AFF2: variants seen among roughly 807,000 people sequenced by gnomAD.
AFF2 encodes the protein ALF transcription elongation factor 2.
Under a neutral mutation model 76.9 loss-of-function variants are expected in AFF2, and 14 were observed. That is an observed-to-expected ratio of 0.18 (90% confidence interval 0.12 to 0.28). The LOEUF (loss-of-function observed/expected upper bound fraction) is 0.28. Ranked by LOEUF, AFF2 falls within the 10% of genes least tolerant of loss-of-function variation. The pLI, the probability that AFF2 is intolerant of heterozygous loss-of-function variation, is 1.00. For missense variants in AFF2, 868 were observed against 1,001.1 expected (o/e 0.87, Z 1.79); for synonymous variants, 398 against 366.7 (o/e 1.09, Z -0.98).
intron 3 of AFF2, among the ~76,000 whole-genome samples, chrX:148,804,568 A>C (rs1243239749): frequency 1.8e-5 from 2 of 112,417 alleles, no homozygotes; most frequent in African/African-American, 6.5e-5. Context: ...ACCTTGTTTT[A>C]CATGAAGTAT....
At chrX:148,973,706 T>C (rs1276519576) in intron 16 of AFF2, 99 bp downstream of exon 16, 1 of 904,475 alleles carries the variant, frequency 1.1e-6, no homozygotes, top group African/African-American at 2.0e-5. Context: ...TAATAATTTG[T>C]CCAAGCCATC....
intron 4 of AFF2, among the ~76,000 whole-genome samples, chrX:148,830,654 T>C (rs1250157478): frequency 7.3e-5 from 8 of 108,884 alleles, no homozygotes; most frequent in Admixed American, 6.9e-4. Context: ...GAGGAGGGAG[T>C]GTACAAATAG....
Position 148,875,188 on chromosome X carries a change from A to G in AFF2, c.1263-10701A>G, listed in dbSNP as rs1253516790. Among the ~76,000 whole-genome samples, 3 of 112,141 alleles carry G rather than the reference A, an allele frequency of 2.7e-5. No homozygotes were observed. In the East Asian group the frequency reaches 8.4e-4, roughly 31 times the overall value. On this transcript the variant is annotated intron_variant, in intron 7 of 20. Transcript: ENST00000370460. ...TTACTTAGGGAAAATATATGCCCAG[A>G]CATTGTGGAGCCCCTTCTAAAACAA...
intron 9 of AFF2, among the ~76,000 whole-genome samples, chrX:148,917,194 G>T (rs1260006603): frequency 8.9e-6 from 1 of 111,965 alleles, no homozygotes; most frequent in Non-Finnish European, 1.9e-5. Context: ...GCTAGAATTT[G>T]ACCCTCCAAG....
chrX:148,904,302 A>T (rs376847932), intron 9 of AFF2, 44 bp downstream of exon 9: 2 of 774,244 alleles, frequency 2.6e-6, no homozygotes, highest in Middle Eastern at 3.1e-4. Context: ...ATTTTAACGG[A>T]CTCGATGCAT....
At chrX:148,709,603 A>G (rs1186556938) in intron 3 of AFF2, among the ~76,000 whole-genome samples, 2 of 112,230 alleles carry the variant, frequency 1.8e-5, no homozygotes, top group Admixed American at 9.5e-5. Flanking sequence ...TACGGTGTAA[A>G]GTACATAGTA....
At chrX:148,664,590 A>G (rs1292985920) in intron 3 of AFF2, among the ~76,000 whole-genome samples, 1 of 111,769 alleles carries the variant, frequency 8.9e-6, no homozygotes, top group Non-Finnish European at 1.9e-5. Context: ...ACTCCATTGT[A>G]TTGTAGTGAT....
chrX:148,752,619 T>C (rs2055515484), intron 3 of AFF2, among the ~76,000 whole-genome samples: 1 of 112,128 alleles, frequency 8.9e-6, no homozygotes, highest in South Asian at 3.7e-4. Context: ...AAAATTTAAG[T>C]AGTGATGTAA....
At chrX:148,740,137 C>G (rs2055333681) in intron 3 of AFF2, among the ~76,000 whole-genome samples, 1 of 111,719 alleles carries the variant, frequency 9.0e-6, no homozygotes, top group Non-Finnish European at 1.9e-5. Context: ...AGGTGAGGAT[C>G]TTTTTGTGAT....
At chrX:148,852,661 T>C (rs931848795) in intron 7 of AFF2, among the ~76,000 whole-genome samples, 18 of 111,314 alleles carry the variant, frequency 1.6e-4, no homozygotes, top group African/African-American at 5.9e-4. Context: ...TTTTGGAACC[T>C]ACTATATACC....
chrX:148,903,879 C>T (rs914182735), intron 8 of AFF2, among the ~76,000 whole-genome samples: 1 of 111,174 alleles, frequency 9.0e-6, no homozygotes, highest in African/African-American at 3.3e-5. Flanking sequence ...CCAAGCAGGT[C>T]CAAACACGGT....
chrX:148,739,225 C>T (rs1479839262), intron 3 of AFF2, among the ~76,000 whole-genome samples: 7 of 111,359 alleles, frequency 6.3e-5, no homozygotes, highest in African/African-American at 2.3e-4. Context: ...ATTGAAGTCC[C>T]CCACTATTAT....
rs1557274458 is a variant in AFF2, at chrX:148,843,438, G to A, written c.1262+5G>A. 8.3e-7 allele frequency: 1 copy of A among 1,206,471 alleles called. No individual in the cohort carries two copies. On this transcript the variant is annotated splice_donor_5th_base_variant and intron_variant, in intron 7 of 20. Coordinates refer to ENST00000370460, the MANE Select transcript of AFF2 (RefSeq NM_002025.4). ...AAAGTCAGTGTCTTTCAAATCGTGA[G>A]TAGTTGGATCTCCAAATCAGGCCTT...
intron 1 of AFF2, among the ~76,000 whole-genome samples, chrX:148,597,134 A>G (rs1046085960): frequency 1.1e-4 from 12 of 111,808 alleles, no homozygotes; most frequent in African/African-American, 3.9e-4. Flanking sequence ...GAGTTTACCA[A>G]AAACCTCTGC....
intron 3 of AFF2, among the ~76,000 whole-genome samples, chrX:148,740,168 G>T (rs920914310): frequency 9.0e-6 from 1 of 111,367 alleles, no homozygotes; most frequent in Non-Finnish European, 1.9e-5. Flanking sequence ...GGTGTTCTTT[G>T]TGCTTCTTGT....
At chrX:148,869,840 C>G (rs1164200310) in intron 7 of AFF2, among the ~76,000 whole-genome samples, 1 of 111,563 alleles carries the variant, frequency 9.0e-6, no homozygotes, top group Non-Finnish European at 1.9e-5. Context: ...TCTGTCTTCT[C>G]TCTCCCTGAG....
chrX:148,966,681 T>C (rs1224732765), intron 13 of AFF2, 109 bp from the exon 14 acceptor site: 29 of 620,754 alleles, frequency 4.7e-5, no homozygotes, highest in Non-Finnish European at 5.6e-5. Flanking sequence ...TTCTTTCTTT[T>C]TTTTTTTTTT....
At chrX:148,625,874 G>C (rs2053920562) in intron 1 of AFF2, among the ~76,000 whole-genome samples, 1 of 111,436 alleles carries the variant, frequency 9.0e-6, no homozygotes, top group South Asian at 3.8e-4. Flanking sequence ...AAACCAAAAG[G>C]CCATTAACTC....
At chrX:148,759,365 T>C (rs1218146016) in intron 3 of AFF2, among the ~76,000 whole-genome samples, 1 of 112,390 alleles carries the variant, frequency 8.9e-6, no homozygotes, top group Non-Finnish European at 1.9e-5. Context: ...CTTAACTATG[T>C]GCATGACATT....
Sources: gnomAD v4.1 joint callset for allele counts (sites outside exome capture counted in the v4.1 genomes callset) on GRCh38, gnomAD v4.1.1 for gene constraint, MANE v1.5 for transcripts, NCBI Gene and HGNC (gene_info 2026-07-23, HGNC 2026-07-21) for gene names.